Variants in ARAP2 observed in about 807,000 individuals in gnomAD.
ARAP2 encodes the protein ArfGAP with RhoGAP domain, ankyrin repeat and PH domain 2, also known as arf-GAP with Rho-GAP domain, ANK repeat and PH domain-containing protein 2.
ARAP2 carries 148 observed loss-of-function variants against 194.5 expected under a neutral mutation model. The ratio of observed to expected loss-of-function variants is 0.76; its 90% CI spans 0.67 to 0.87. The LOEUF is 0.87. ARAP2 is among the 40% of genes least tolerant of loss of function. The probability of loss-of-function intolerance (pLI) is 0.00; values close to 1 mark genes in which losing one functional copy is unlikely to be tolerated. For missense variants in ARAP2, 2,128 were observed against 1,989.7 expected, an observed-to-expected ratio of 1.07 and a Z score of -1.32; for synonymous variants, 695 against 683.5, an observed-to-expected ratio of 1.02 and a Z score of -0.26.
chr4:36,010,939 A>G (rs941203461), intron 9 of ARAP2, among the ~76,000 whole-genome samples: 2 of 152,186 alleles, frequency 1.3e-5, no homozygotes, highest in Non-Finnish European at 2.9e-5. Flanking sequence ...AAACTTTTGT[A>G]TAATTCATAA....
At chr4:36,218,795 A>G (rs374503179) in intron 2 of ARAP2, among the ~76,000 whole-genome samples, 21 of 152,336 alleles carry the variant, frequency 1.4e-4, no homozygotes, top group African/African-American at 5.0e-4. Flanking sequence ...GCAGAGGCAG[A>G]AAGATATATT....
intron 5 of ARAP2, among the ~76,000 whole-genome samples, chr4:36,042,645 A>G (rs779335859): frequency 7.2e-5 from 11 of 152,244 alleles, no homozygotes; most frequent in Non-Finnish European, 1.6e-4. Flanking sequence ...GGTAACTTCA[A>G]ATGAAAAGAT....
In ARAP2 at chr4:36,119,729, T is replaced by C. The variant is rs1322449573; in HGVS notation, c.3895-11A>G. ...TTGATCTTCTTTAACCTGTTTAAAA[T>C]ATAATTCGGGACATTCTAATAATGT... On this transcript the variant is annotated splice_polypyrimidine_tract_variant and intron_variant, in intron 23 of 32. Transcript: ENST00000303965. The C allele has an allele frequency of 6.4e-7, 1 of 1,564,134 alleles. No individual in the cohort carries two copies. The highest frequency in any genetic ancestry group is 1.1e-5 in the South Asian group (1 of 88,718).
intron 28 of ARAP2, among the ~76,000 whole-genome samples, chr4:36,090,217 A>G (rs1055986031): frequency 5.3e-5 from 8 of 152,146 alleles, no homozygotes; most frequent in African/African-American, 1.9e-4. Context: ...AAGAAACTGA[A>G]TCCCCGAACA....
intron 13 of ARAP2, chr4:36,159,794 T>C: frequency 4.7e-6 from 1 of 212,252 alleles, no homozygotes. Flanking sequence ...TTTTTATGCT[T>C]ACATACTATG....
intron 2 of ARAP2, among the ~76,000 whole-genome samples, chr4:36,226,656 G>A (rs1399945212): frequency 6.6e-6 from 1 of 152,154 alleles, no homozygotes; most frequent in Non-Finnish European, 1.5e-5. Flanking sequence ...TTACTTGTAT[G>A]AAATAAATTT....
intron 5 of ARAP2, among the ~76,000 whole-genome samples, chr4:36,033,822 G>T (rs2109208577): frequency 6.6e-6 from 1 of 152,114 alleles, no homozygotes; most frequent in Non-Finnish European, 1.5e-5. Flanking sequence ...GTTGATTTTT[G>T]TATACAGTGT....
chr4:36,156,433 AAGAAAGAAAG>A (rs1426215459), intron 15 of ARAP2, among the ~76,000 whole-genome samples: 4 of 16,218 alleles, frequency 2.5e-4, no homozygotes, highest in African/African-American at 1.7e-3. Context: ...GAAAGAAAGA[AAGAAAGAAAG>A]AGAAAGAAAG....
intron 7 of ARAP2, among the ~76,000 whole-genome samples, chr4:36,188,654 TAA>T (rs769320194): frequency 5.3e-5 from 8 of 152,144 alleles, no homozygotes; most frequent in Non-Finnish European, 8.8e-5. Context: ...TCTGCAATAT[TAA>T]AAGAGTTTGG....
intron 1 of ARAP2, among the ~76,000 whole-genome samples, chr4:36,060,152 T>A (rs1340025994): frequency 6.6e-5 from 10 of 152,122 alleles, no homozygotes; most frequent in African/African-American, 2.2e-4. Context: ...TGAAGTGAGT[T>A]TGTGTGTCTC....
rs758357672 is a variant in ARAP2, at chr4:36,125,933, C to T, written c.3641-966G>A. 3.4e-4 allele frequency among the ~76,000 whole-genome samples: 51 copies of T among 152,078 alleles called. 1 individual carries two copies. Among genetic ancestry groups the T allele is most frequent in the Admixed American group, 4.6e-4 (7 of 15,250 alleles). ...TTCTATTCACAGAAAATCAGCAGCACGCTAATGATGTCTTAAAAGTACAAA... is the reference window on the plus strand; with the variant it reads ...TTCTATTCACAGAAAATCAGCAGCATGCTAATGATGTCTTAAAAGTACAAA... On this transcript the variant is annotated intron_variant, in intron 21 of 32. Coordinates refer to ENST00000303965, the MANE Select transcript of ARAP2 (RefSeq NM_015230.4).
chr4:36,037,217 C>T (rs1248486595), intron 5 of ARAP2, among the ~76,000 whole-genome samples: 1 of 152,172 alleles, frequency 6.6e-6, no homozygotes, highest in Non-Finnish European at 1.5e-5. Context: ...CTCTACTTCT[C>T]TACCAATGCA....
chr4:36,169,958 A>G (rs1228174389), intron 9 of ARAP2, among the ~76,000 whole-genome samples: 1 of 152,230 alleles, frequency 6.6e-6, no homozygotes, highest in Non-Finnish European at 1.5e-5. Context: ...CTTGAGAGCT[A>G]TCATATATGA....
chr4:36,198,734 G>C (rs1036096269), intron 6 of ARAP2, among the ~76,000 whole-genome samples: 5 of 152,240 alleles, frequency 3.3e-5, no homozygotes, highest in African/African-American at 1.2e-4. Flanking sequence ...CTGGGAGCAG[G>C]GAGAAGCCAG....
At chr4:36,093,163 G>A (rs983330731) in intron 27 of ARAP2, among the ~76,000 whole-genome samples, 9 of 151,982 alleles carry the variant, frequency 5.9e-5, no homozygotes, top group Admixed American at 5.2e-4. Flanking sequence ...ATGAGAACAC[G>A]TGGACACATA....
At chr4:36,086,378 C>T (rs1249027574) in intron 28 of ARAP2, among the ~76,000 whole-genome samples, 2 of 152,090 alleles carry the variant, frequency 1.3e-5, no homozygotes, top group Non-Finnish European at 2.9e-5. Flanking sequence ...TCCTGGCATG[C>T]AGGCTCATTA....
intron 11 of ARAP2, 116 bp downstream of exon 11, chr4:36,164,798 T>C (rs905837782): frequency 7.2e-6 from 7 of 976,010 alleles, no homozygotes; most frequent in Non-Finnish European, 9.1e-6. Context: ...TGTAATAAGC[T>C]TTCTCTGGTT....
At position 36,244,302 on chromosome 4, in the gene ARAP2, C is replaced by T. The variant is rs1467270789; in HGVS notation, c.-283G>A. 1.3e-5 allele frequency: 2 copies of T among 151,898 alleles called. No individual in the cohort carries two copies. The highest frequency in any genetic ancestry group is 6.6e-5 in the Admixed American group (1 of 15,262). 9.4% of individuals were successfully genotyped at this position (151,898 alleles called of 1,614,324 possible). A position where few individuals can be genotyped will look rare whatever the true frequency, so the allele number is the denominator to read the frequency against. ...CTCTGCCGGAGGCGCCAGGCCTCCTCTTTCCCGGTCCCCGCCGGCTGTCCG... is the reference window on the plus strand; with the variant it reads ...CTCTGCCGGAGGCGCCAGGCCTCCTTTTTCCCGGTCCCCGCCGGCTGTCCG... On this transcript the variant is annotated 5_prime_UTR_variant, in exon 1 of 33. Transcript: ENST00000303965.
intron 5 of ARAP2, among the ~76,000 whole-genome samples, chr4:36,023,790 C>T (rs1717423066): frequency 1.3e-5 from 2 of 151,938 alleles, no homozygotes; most frequent in South Asian, 2.1e-4. Context: ...AATGCTGATG[C>T]GAAACTTAAT....
Sources: allele counts gnomAD v4.1 joint callset (sites outside exome capture counted in the v4.1 genomes callset), GRCh38; gene constraint gnomAD v4.1.1; transcripts MANE v1.5; gene names NCBI Gene and HGNC (gene_info 2026-07-23, HGNC 2026-07-21).